MTHFD2L: variants seen among roughly 807,000 people sequenced by gnomAD.
MTHFD2L encodes the protein methylenetetrahydrofolate dehydrogenase (NADP+ dependent) 2 like.
A neutral mutation model predicts 34.9 loss-of-function variants in MTHFD2L; 29 were observed. That is an observed-to-expected ratio of 0.83 (90% CI 0.62 to 1.13). MTHFD2L has a LOEUF of 1.13. MTHFD2L is among the 50% of genes most tolerant of loss of function. The pLI is 0.00. For synonymous variants in MTHFD2L, 167 were observed against 155.7 expected, an observed-to-expected ratio of 1.07 and a Z score of -0.54; for missense variants, 481 against 446.5, an observed-to-expected ratio of 1.08 and a Z score of -0.70.
intron 3 of MTHFD2L, among the ~76,000 whole-genome samples, chr4:74,176,797 A>G (rs1320106025): frequency 2.6e-5 from 4 of 152,070 alleles, no homozygotes; most frequent in Non-Finnish European, 5.9e-5. Flanking sequence ...GGTATAGTAT[A>G]GGTTACAGTA....
chr4:74,215,256 C>T (rs1397932981), intron 5 of MTHFD2L, among the ~76,000 whole-genome samples: 6 of 151,818 alleles, frequency 4.0e-5, no homozygotes, highest in Non-Finnish European at 8.8e-5. Flanking sequence ...AAAAAAACTC[C>T]TGCAGCTAGC....
At chr4:74,277,098 CTA>C (rs1264462502) in intron 6 of MTHFD2L, among the ~76,000 whole-genome samples, 1 of 151,618 alleles carries the variant, frequency 6.6e-6, no homozygotes, top group African/African-American at 2.4e-5. Context: ...CCCAGTACCT[CTA>C]TTGCTTGCAT....
At chr4:74,221,916 A>G (rs1738264338) in intron 5 of MTHFD2L, among the ~76,000 whole-genome samples, 3 of 151,986 alleles carry the variant, frequency 2.0e-5, no homozygotes, top group African/African-American at 4.8e-5. Context: ...TAGGGTGGCT[A>G]CTGATACTCT....
intron 3 of MTHFD2L, among the ~76,000 whole-genome samples, chr4:74,199,399 T>C (rs1255779411): frequency 6.6e-6 from 1 of 152,208 alleles, no homozygotes; most frequent in East Asian, 1.9e-4. Flanking sequence ...ATTCGAAGTA[T>C]TTAATAGAAG....
At chr4:74,133,964 C>T (rs1334526121) in intron 1 of MTHFD2L, among the ~76,000 whole-genome samples, 1 of 152,122 alleles carries the variant, frequency 6.6e-6, no homozygotes, top group Non-Finnish European at 1.5e-5. Context: ...ACATTCTGAG[C>T]AGATGGTAGG....
upstream of MTHFD2L, among the ~76,000 whole-genome samples, chr4:74,124,780 T>TGC (rs1721956812): frequency 6.6e-6 from 1 of 152,120 alleles, no homozygotes; most frequent in African/African-American, 2.4e-5. Context: ...ACACATTTTA[T>TGC]ACCTTTGCAT....
chr4:74,169,316 T>A (rs1727410135), intron 1 of MTHFD2L, among the ~76,000 whole-genome samples: 2 of 152,214 alleles, frequency 1.3e-5, no homozygotes, highest in South Asian at 4.1e-4. Context: ...ATGCTATTGG[T>A]CTTCTCTGAC....
chr4:74,245,925 C>A (rs1264378032), intron 6 of MTHFD2L, among the ~76,000 whole-genome samples: 3 of 149,958 alleles, frequency 2.0e-5, no homozygotes, highest in East Asian at 3.9e-4. Context: ...GTGAATAGTG[C>A]CGCAATAAAC....
chr4:74,223,233 T>TACACACACACTACATAC (rs1336810939), intron 5 of MTHFD2L, among the ~76,000 whole-genome samples: 1 of 151,610 alleles, frequency 6.6e-6, no homozygotes, highest in Non-Finnish European at 1.5e-5. Flanking sequence ...TGTGTATATA[T>TACACACACACTACATAC]ACACACACAC....
chr4:74,224,908 A>G (rs1738896206), intron 5 of MTHFD2L, among the ~76,000 whole-genome samples: 1 of 146,062 alleles, frequency 6.8e-6, no homozygotes, highest in Non-Finnish European at 1.5e-5. Context: ...TGCTCCCACA[A>G]TATATTGTCC....
intron 1 of MTHFD2L, among the ~76,000 whole-genome samples, chr4:74,170,665 T>C (rs1042374243): frequency 2.0e-5 from 3 of 151,966 alleles, no homozygotes; most frequent in Admixed American, 2.0e-4. Context: ...GGAGACAATA[T>C]TTCAAACCCC....
intron 1 of MTHFD2L, among the ~76,000 whole-genome samples, chr4:74,147,848 A>T (rs976614853): frequency 6.6e-6 from 1 of 152,006 alleles, no homozygotes; most frequent in African/African-American, 2.4e-5. Context: ...CCCAATTTTA[A>T]TTGAGTTGTT....
chr4:74,239,656 G>A (rs1741409576), intron 6 of MTHFD2L, among the ~76,000 whole-genome samples: 1 of 152,154 alleles, frequency 6.6e-6, no homozygotes, highest in African/African-American at 2.4e-5. Flanking sequence ...ATTGTGGTTG[G>A]AACAAATTCA....
rs28546218 is a variant in MTHFD2L, at chr4:74,188,690, A to G, written c.452-11104A>G. On this transcript the variant is annotated intron_variant, in intron 3 of 7. Transcript: ENST00000325278. ...TCTGGTTTTATAGGTATATATATAT[A>G]TGTGTATGCATATGTATATATATGG... 4.7e-5 allele frequency among the ~76,000 whole-genome samples: 7 copies of G among 147,552 alleles called. No homozygotes were observed. The East Asian group carries it at 1.2e-3, about 25-fold the overall frequency.
intron 6 of MTHFD2L, among the ~76,000 whole-genome samples, chr4:74,277,906 A>G (rs1214829695): frequency 6.6e-6 from 1 of 151,998 alleles, no homozygotes; most frequent in Non-Finnish European, 1.5e-5. Context: ...TGGTCAGTGC[A>G]CTGGTGATGG....
rs532738750 is a variant in MTHFD2L at position 74,206,385 on chromosome 4, G to A, written c.712+5015G>A. On this transcript the variant is annotated intron_variant, in intron 5 of 7. Transcript: ENST00000325278. ...AACCAGGGGCCTTGAAGTAATCTCT[G>A]GAATTTTGTGGCTGGGTCTCCAGAC... Among the ~76,000 whole-genome samples, 24 of 152,190 alleles carry A rather than the reference G, an allele frequency of 1.6e-4. No individual in the cohort carries two copies. The South Asian group carries it at 2.1e-3, about 13-fold the overall frequency.
chr4:74,245,765 A>ATGAT (rs1742344951), intron 6 of MTHFD2L, among the ~76,000 whole-genome samples: 3 of 152,140 alleles, frequency 2.0e-5, no homozygotes, highest in African/African-American at 7.2e-5. Flanking sequence ...ACTGAGAATG[A>ATGAT]TGATTTCCAG....
intron 1 of MTHFD2L, among the ~76,000 whole-genome samples, chr4:74,148,396 TCTATCTA>T (rs1421547416): frequency 6.6e-5 from 1 of 15,062 alleles, no homozygotes; most frequent in Non-Finnish European, 1.5e-4. Flanking sequence ...TATTTATCTA[TCTATCTA>T]TTTAGACAGA....
chr4:74,263,145 G>A (rs1425484895), intron 6 of MTHFD2L, among the ~76,000 whole-genome samples: 1 of 151,796 alleles, frequency 6.6e-6, no homozygotes, highest in Non-Finnish European at 1.5e-5. Context: ...GTGTGTGTGT[G>A]CTGTCTTATT....
Sources: allele counts gnomAD v4.1 joint callset (sites outside exome capture counted in the v4.1 genomes callset), GRCh38; gene constraint gnomAD v4.1.1; transcripts MANE v1.5; gene names NCBI Gene and HGNC (gene_info 2026-07-23, HGNC 2026-07-21).